Variants in SKI observed in about 807,000 individuals in gnomAD.
SKI encodes SKI proto-oncogene, also known as ski oncogene.
Under a neutral mutation model 59.3 loss-of-function variants are expected in SKI, and 23 were observed. The ratio of observed to expected loss-of-function variants is 0.39; its 90% confidence interval spans 0.28 to 0.55. The LOEUF (loss-of-function observed/expected upper bound fraction) is 0.55. Among genes scored for constraint, SKI ranks in the 20% least tolerant of loss-of-function variants. The probability of loss-of-function intolerance (pLI) is 0.67; values close to 1 mark genes in which losing one functional copy is unlikely to be tolerated. For synonymous variants in SKI, 673 were observed against 488.6 expected (o/e 1.38, Z -4.98); for missense variants, 1,017 against 1,038.9 (o/e 0.98, Z 0.29).
At chr1:2,262,295 G>C (rs1639404749) in intron 1 of SKI, among the ~76,000 whole-genome samples, 1 of 148,210 alleles carries the variant, frequency 6.7e-6, no homozygotes, top group Admixed American at 6.7e-5. Context: ...GTTTGGATGG[G>C]AGTGGTCGGA....
chr1:2,287,596 G>T (rs904836310), intron 1 of SKI, among the ~76,000 whole-genome samples: 11 of 152,180 alleles, frequency 7.2e-5, no homozygotes, highest in Non-Finnish European at 1.5e-4. Context: ...AGCAGTGTTG[G>T]TGGTAGGTGT....
rs936598870 is a variant in SKI, at chr1:2,228,685, CCGGGGCGCG to C, written c.-74_-66del. The C allele has an allele frequency of 2.3e-6, 2 of 888,692 alleles. No homozygotes were observed. The highest frequency in any genetic ancestry group is 1.9e-5 in the African/African-American group (1 of 53,950). The allele number at this position is 888,692 out of a possible 1,614,324, so 55.1% of individuals were successfully genotyped here. ...GCCGGGGTCGGGGCCGCGGGCGCCGCCGGGGCGCGCGGGGCGGCGGCGGGGGCCGGGGGG... is the reference window on the plus strand; with the variant it reads ...GCCGGGGTCGGGGCCGCGGGCGCCGCCGGGGCGGCGGCGGGGGCCGGGGGG... On this transcript the variant is annotated 5_prime_UTR_variant, in exon 1 of 7. Coordinates refer to ENST00000378536, the MANE Select transcript of SKI (RefSeq NM_003036.4).
chr1:2,277,495 C>T (rs947696934), intron 1 of SKI, among the ~76,000 whole-genome samples: 3 of 152,126 alleles, frequency 2.0e-5, no homozygotes, highest in Non-Finnish European at 4.4e-5. Context: ...TTTCTCTTGC[C>T]GCTGCCATGT....
At chr1:2,302,870 G>C in intron 1 of SKI, 108 bp from the exon 2 acceptor site, 1 of 1,451,670 alleles carries the variant, frequency 6.9e-7, no homozygotes, top group Non-Finnish European at 9.6e-7. Context: ...AGGGTCGTTT[G>C]TGGCCGGAGT....
Position 2,303,488 on chromosome 1 carries a change from C to A in SKI, c.1211+88C>A. ...GCGGACGCGCCCATGTTTCTGCAGG[C>A]TGGGTGCCCAGACCTGCCGCCTTTT... On this transcript the variant is annotated intron_variant, in intron 3 of 6. Transcript: ENST00000378536. This position sits in a 1 kb window ranked among gnomAD's most constrained non-coding sequence, Gnocchi z 5.6. 8.0e-7 allele frequency: 1 copy of A among 1,244,074 alleles called. No individual in the cohort carries two copies. The highest frequency in any genetic ancestry group is 1.2e-6 in the Non-Finnish European group (1 of 866,274). The allele number at this position is 1,244,074 out of a possible 1,614,324, so 77.1% of individuals were successfully genotyped here.
chr1:2,250,386 A>G (rs931354853), intron 1 of SKI, among the ~76,000 whole-genome samples: 1 of 152,198 alleles, frequency 6.6e-6, no homozygotes, highest in African/African-American at 2.4e-5. Context: ...CTGCCCAGGT[A>G]TGCCACTGTC....
At chr1:2,250,629 C>G (rs552258778) in intron 1 of SKI, among the ~76,000 whole-genome samples, 1 of 152,354 alleles carries the variant, frequency 6.6e-6, no homozygotes, top group Non-Finnish European at 1.5e-5. Context: ...TCAGTGGGGT[C>G]CTCCCTGCTA....
intron 1 of SKI, among the ~76,000 whole-genome samples, chr1:2,231,736 A>G (rs1218000083): frequency 6.6e-6 from 1 of 152,180 alleles, no homozygotes; most frequent in Non-Finnish European, 1.5e-5. Flanking sequence ...TGGCCCTGGC[A>G]GTGGTGTCCT....
intron 1 of SKI, among the ~76,000 whole-genome samples, chr1:2,239,692 C>G (rs1638824795): frequency 6.6e-6 from 1 of 152,238 alleles, no homozygotes; most frequent in Non-Finnish European, 1.5e-5. Context: ...GTTCACAGTT[C>G]AGTTTGGGAG....
chr1:2,292,990 G>T (rs1640198052), intron 1 of SKI, among the ~76,000 whole-genome samples: 2 of 152,334 alleles, frequency 1.3e-5, no homozygotes, highest in African/African-American at 2.4e-5. Flanking sequence ...GGTGAGTGGG[G>T]CCTGCTGTTG....
chr1:2,240,451 A>G (rs912126694), intron 1 of SKI: 6 of 980,192 alleles, frequency 6.1e-6, no homozygotes, highest in Non-Finnish European at 7.3e-6. Context: ...GGCAAGCCAC[A>G]TGCTGTCACA....
intron 1 of SKI, among the ~76,000 whole-genome samples, chr1:2,254,742 G>T (rs924553505): frequency 3.9e-5 from 6 of 152,212 alleles, no homozygotes; most frequent in Admixed American, 2.0e-4. Flanking sequence ...GCGTGTGTGT[G>T]TGTGTGTGAT....
intron 1 of SKI, among the ~76,000 whole-genome samples, chr1:2,252,555 C>A (rs1239375786): frequency 6.6e-6 from 1 of 152,186 alleles, no homozygotes; most frequent in Non-Finnish European, 1.5e-5. Flanking sequence ...AGAAACCTGG[C>A]GGCCCAGCAG....
intron 1 of SKI, among the ~76,000 whole-genome samples, chr1:2,280,641 C>CAG: frequency 7.4e-6 from 1 of 135,900 alleles, no homozygotes; most frequent in Admixed American, 7.3e-5. Context: ...CGGCGATCTT[C>CAG]AGAGAGAGGA....
intron 1 of SKI, among the ~76,000 whole-genome samples, chr1:2,244,882 T>C (rs912501993): frequency 1.3e-5 from 2 of 152,222 alleles, no homozygotes; most frequent in African/African-American, 4.8e-5. Flanking sequence ...GCTCCATTTG[T>C]ATCAAACAAA....
Position 2,306,733 on chromosome 1 carries a change from G to A in SKI, c.2155G>A (p.Gly719Ser). ...LWPRARPEAA[G>S]SEGAAELEP is the part of the protein sequence containing the mutation. ...GCCGCGGGCCCGCCCCGAGGCTGCG[G>A]GCAGCGAGGGCGCTGCGGAGCTGGA... Residue 719 changes from glycine (G) to serine (S), a missense_variant, in exon 7 of 7, where the codon GGC (glycine) becomes AGC (serine). Gly to Ser is a moderately conservative substitution (Grantham distance 56). Coordinates refer to ENST00000378536, the MANE Select transcript of SKI (RefSeq NM_003036.4). 6.5e-7 allele frequency: 1 copy of A among 1,530,578 alleles called. No homozygotes were observed. The highest frequency in any genetic ancestry group is 8.8e-7 in the Non-Finnish European group (1 of 1,140,880). The allele number at this position is 1,530,578 out of a possible 1,614,324, so 94.8% of individuals were successfully genotyped here.
rs940662450 is a variant in SKI at position 2,228,331 on chromosome 1, C to G, written c.-436C>G. On this transcript the variant is annotated 5_prime_UTR_variant, in exon 1 of 7. Coordinates refer to ENST00000378536, the MANE Select transcript of SKI (RefSeq NM_003036.4). The stretch of plus-strand genomic sequence containing the variant: ...CGCCCGCGCCCCCGCTCCTCCCGGG[C>G]CCCTCGGCCTCGGCCGCCGCGGCGA... Among the ~76,000 whole-genome samples the G allele has an allele frequency of 3.9e-4, 56 of 142,602 alleles. No individual in the cohort carries two copies. Among genetic ancestry groups the G allele is most frequent in the African/African-American group, 1.3e-3 (51 of 39,880 alleles). 93.6% of individuals were successfully genotyped at this position (142,602 alleles called of 152,430 possible).
At chr1:2,235,765 T>C (rs1638738467) in intron 1 of SKI, among the ~76,000 whole-genome samples, 1 of 152,182 alleles carries the variant, frequency 6.6e-6, no homozygotes, top group Admixed American at 6.5e-5. Flanking sequence ...GTGGGGACAA[T>C]AGTAAAATCC....
chr1:2,241,937 G>A (rs1453477071), intron 1 of SKI, among the ~76,000 whole-genome samples: 2 of 149,400 alleles, frequency 1.3e-5, no homozygotes, highest in African/African-American at 4.9e-5. Context: ...TGGGTCTTCC[G>A]TGCATGCCTG....
Sources: gnomAD v4.1 joint callset for allele counts (sites outside exome capture counted in the v4.1 genomes callset) on GRCh38, gnomAD v4.1.1 for gene constraint, Gnocchi (gnomAD v3.1) non-coding constraint, MANE v1.5 for transcripts, NCBI Gene and HGNC (gene_info 2026-07-23, HGNC 2026-07-21) for gene names.